ZNF536: variants seen among roughly 807,000 people sequenced by gnomAD.
ZNF536 encodes the protein zinc finger protein 536.
In ZNF536, 13 loss-of-function variants were observed where a neutral mutation model predicts 84.5. That is an observed-to-expected ratio of 0.15 (90% CI 0.10 to 0.24). ZNF536 has a LOEUF of 0.24. Ranked by LOEUF, ZNF536 falls within the 10% of genes least tolerant of loss-of-function variation. ZNF536 has a pLI of 1.00. For synonymous variants in ZNF536, 811 were observed against 742.5 expected (o/e 1.09, Z -1.50); for missense variants, 1,536 against 1,747.5 (o/e 0.88, Z 2.16).
intron 1 of ZNF536, among the ~76,000 whole-genome samples, chr19:30,690,209 G>T (rs1488267533): frequency 1.3e-5 from 2 of 152,216 alleles, no homozygotes; most frequent in Non-Finnish European, 2.9e-5. Flanking sequence ...ACAAATGCCG[G>T]TAATATTGGT....
Position 30,506,073 on chromosome 19 carries a change from A to C in ZNF536, c.2171-28774A>C, listed in dbSNP as rs577949101. Reference sequence around the variant, plus strand: ...AATATAAATATTATTTATATAATGAAATACAAATATTCCTATTTACAGCAG... The same window carrying C: ...AATATAAATATTATTTATATAATGACATACAAATATTCCTATTTACAGCAG... On this transcript the variant is annotated intron_variant, in intron 2 of 4. Coordinates refer to ENST00000355537, the MANE Select transcript of ZNF536 (RefSeq NM_014717.3). Among the ~76,000 whole-genome samples the C allele has an allele frequency of 7.3e-5, 11 of 151,590 alleles. No homozygotes were observed. The South Asian group carries it at 1.0e-3, about 14-fold the overall frequency.
chr19:30,225,687 T>G (rs969340426), upstream of ZNF536, among the ~76,000 whole-genome samples: 11 of 84,166 alleles, frequency 1.3e-4, no homozygotes, highest in Admixed American at 3.1e-4. Context: ...AAAACAAAGG[T>G]GGGGGGGGGA....
At chr19:30,311,891 A>T (rs2046516986) in intron 2 of ZNF536, among the ~76,000 whole-genome samples, 1 of 152,140 alleles carries the variant, frequency 6.6e-6, no homozygotes, top group South Asian at 2.1e-4. Flanking sequence ...AAACATAGTG[A>T]GACCTCATCT....
Position 30,523,475 on chromosome 19 carries a change from C to G in ZNF536, c.2171-11372C>G, listed in dbSNP as rs192216621. On this transcript the variant is annotated intron_variant, in intron 2 of 4. Coordinates refer to ENST00000355537, the MANE Select transcript of ZNF536 (RefSeq NM_014717.3). ...TAAGACCTGGGGAACTTGGTTTTGA[C>G]CTGGGGCTTTTGGACTGCAAACCTC... Among the ~76,000 whole-genome samples, 62 of 152,132 alleles carry G rather than the reference C, an allele frequency of 4.1e-4. No homozygotes were observed. In the East Asian group the frequency reaches 0.012, roughly 29 times the overall value.
intron 2 of ZNF536, among the ~76,000 whole-genome samples, chr19:30,501,276 A>G (rs1489541150): frequency 6.6e-6 from 1 of 152,120 alleles, no homozygotes; most frequent in Non-Finnish European, 1.5e-5. Context: ...ATGACTTCTC[A>G]TTCCTGGTTC....
chr19:30,343,143 C>T (rs1372465412), intron 2 of ZNF536, among the ~76,000 whole-genome samples: 1 of 152,278 alleles, frequency 6.6e-6, no homozygotes, highest in Admixed American at 6.5e-5. Context: ...TCCAAGCTTG[C>T]CTGGGAACAG....
chr19:30,288,874 A>G (rs2045737588), intron 2 of ZNF536, among the ~76,000 whole-genome samples: 1 of 152,220 alleles, frequency 6.6e-6, no homozygotes, highest in Non-Finnish European at 1.5e-5. Context: ...ATTCAAGATT[A>G]ATGAAAATGT....
rs990360918 is a variant in ZNF536 at position 30,627,297 on chromosome 19, C to A, written c.169+77783C>A. Among the ~76,000 whole-genome samples, 25 of 151,152 alleles carry A rather than the reference C, an allele frequency of 1.7e-4. 1 individual carries two copies. The highest frequency in any genetic ancestry group is 2.1e-4 in the Non-Finnish European group (14 of 67,812). On this transcript the variant is annotated intron_variant, in intron 1 of 1. Coordinates refer to the ZNF536 transcript ENST00000592773. ...CTTGGGGAATGTAGGGAGACCCCATCTCTACAAAAAAAAATAAGAAAATAG... is the reference window on the plus strand; with the variant it reads ...CTTGGGGAATGTAGGGAGACCCCATATCTACAAAAAAAAATAAGAAAATAG...
chr19:30,536,689 T>A (rs1728920879), intron 3 of ZNF536, among the ~76,000 whole-genome samples: 1 of 152,136 alleles, frequency 6.6e-6, no homozygotes, highest in Admixed American at 6.5e-5. Context: ...TCAAGGGCTG[T>A]AGGGAAAGTG....
At chr19:30,385,496 GC>G (rs2049304061) in intron 1 of ZNF536, among the ~76,000 whole-genome samples, 1 of 151,494 alleles carries the variant, frequency 6.6e-6, no homozygotes, top group South Asian at 2.1e-4. Context: ...GTCCTCTGTG[GC>G]CTTGTCCTCA....
chr19:30,325,737 G>T (rs903386428), intron 2 of ZNF536, among the ~76,000 whole-genome samples: 3 of 152,174 alleles, frequency 2.0e-5, no homozygotes, highest in Admixed American at 2.0e-4. Context: ...TGAAAGTGTG[G>T]CCCTGACACC....
intron 1 of ZNF536, among the ~76,000 whole-genome samples, chr19:30,405,966 C>T (rs931196100): frequency 6.6e-5 from 10 of 152,072 alleles, no homozygotes; most frequent in African/African-American, 1.2e-4. Context: ...TTCGTAGAGA[C>T]GGGATTTACC....
At chr19:30,261,277 G>A (rs1200579735) in intron 1 of ZNF536, among the ~76,000 whole-genome samples, 1 of 100,776 alleles carries the variant, frequency 9.9e-6, no homozygotes, top group African/African-American at 4.0e-5. Context: ...CAGCCTGGGC[G>A]ACAGAGCGAG....
At chr19:30,443,261 T>C (rs1325989524) in intron 1 of ZNF536, among the ~76,000 whole-genome samples, 1 of 152,176 alleles carries the variant, frequency 6.6e-6, no homozygotes, top group African/African-American at 2.4e-5. Flanking sequence ...ACCCTTGATT[T>C]GTTATTAGGT....
intron 2 of ZNF536, among the ~76,000 whole-genome samples, chr19:30,516,797 G>A (rs913351832): frequency 1.3e-5 from 2 of 152,152 alleles, no homozygotes; most frequent in Non-Finnish European, 2.9e-5. Context: ...GCCAGGCGAG[G>A]CTTCGTGGCG....
chr19:30,230,936 AAGAC>A (rs1368451270), intron 1 of ZNF536, among the ~76,000 whole-genome samples: 3 of 152,142 alleles, frequency 2.0e-5, no homozygotes, highest in African/African-American at 4.8e-5. Flanking sequence ...AGGGGGAAGA[AAGAC>A]AGCAATGATA....
chr19:30,625,038 T>C (rs1194256521), intron 1 of ZNF536, among the ~76,000 whole-genome samples: 1 of 152,216 alleles, frequency 6.6e-6, no homozygotes, highest in Non-Finnish European at 1.5e-5. Context: ...TTAAACCTCC[T>C]TTGTTTATAA....
At chr19:30,386,767 C>A (rs563054833) in intron 1 of ZNF536, among the ~76,000 whole-genome samples, 2 of 152,314 alleles carry the variant, frequency 1.3e-5, no homozygotes, top group East Asian at 3.9e-4. Context: ...TGGCGCACAG[C>A]CAGGGCTATA....
chr19:30,503,519 T>C (rs1401402665), intron 2 of ZNF536, among the ~76,000 whole-genome samples: 1 of 152,256 alleles, frequency 6.6e-6, no homozygotes, highest in African/African-American at 2.4e-5. Flanking sequence ...AGGTAGAGTA[T>C]GATTTCATTT....
Sources: gnomAD v4.1 joint callset for allele counts (sites outside exome capture counted in the v4.1 genomes callset) on GRCh38, gnomAD v4.1.1 for gene constraint, MANE v1.5 for transcripts, NCBI Gene and HGNC (gene_info 2026-07-23, HGNC 2026-07-21) for gene names.